Variants in LCLAT1 observed in about 807,000 individuals in gnomAD.
LCLAT1 encodes lysocardiolipin acyltransferase 1.
A neutral mutation model predicts 30.7 loss-of-function variants in LCLAT1; 11 were observed. The ratio of observed to expected loss-of-function variants is 0.36; its 90% CI spans 0.23 to 0.59. LCLAT1 has a LOEUF of 0.59. LCLAT1 is among the 20% of genes least tolerant of loss of function. The pLI is 0.77. For missense variants in LCLAT1, 402 were observed against 458.6 expected, an observed-to-expected ratio of 0.88 and a Z score of 1.13; for synonymous variants, 155 against 151.3, an observed-to-expected ratio of 1.02 and a Z score of -0.18.
chr2:30,471,815 A>G (rs1027427755), intron 1 of LCLAT1, among the ~76,000 whole-genome samples: 1 of 152,080 alleles, frequency 6.6e-6, no homozygotes, highest in Non-Finnish European at 1.5e-5. Context: ...GGATCATGTC[A>G]TGTGCAGATT....
chr2:30,590,111 T>C (rs1033948631), intron 5 of LCLAT1, among the ~76,000 whole-genome samples: 2 of 152,180 alleles, frequency 1.3e-5, no homozygotes, highest in Non-Finnish European at 2.9e-5. Context: ...CTACTCAGAC[T>C]TTATCTAGAG....
chr2:30,477,440 A>G (rs1046557478), intron 1 of LCLAT1, among the ~76,000 whole-genome samples: 2 of 152,144 alleles, frequency 1.3e-5, no homozygotes, highest in Non-Finnish European at 2.9e-5. Context: ...TTATATTGTG[A>G]TATATAAGGT....
chr2:30,534,278 G>A (rs1485003490), intron 3 of LCLAT1, among the ~76,000 whole-genome samples: 1 of 124,858 alleles, frequency 8.0e-6, no homozygotes, highest in Non-Finnish European at 1.7e-5. Flanking sequence ...TGTGTGTTTG[G>A]GAGACGGAGT....
intron 5 of LCLAT1, among the ~76,000 whole-genome samples, chr2:30,585,525 A>G (rs922352507): frequency 2.0e-5 from 3 of 152,060 alleles, no homozygotes; most frequent in African/African-American, 7.2e-5. Flanking sequence ...ACACTACTTC[A>G]TAGTTTGGAT....
chr2:30,530,414 C>T lies in LCLAT1; in HGVS notation c.166-2702C>T, dbSNP rs138543211. 2.9e-4 allele frequency among the ~76,000 whole-genome samples: 44 copies of T among 152,266 alleles called. No homozygotes were observed. In the East Asian group the frequency reaches 8.3e-3, roughly 29 times the overall value. The stretch of plus-strand genomic sequence containing the variant: ...GGATATGTCTCATCTGGTATTACAA[C>T]CAATTAATGTGGACTTGAGATCTTG... On this transcript the variant is annotated intron_variant, in intron 2 of 5. Coordinates refer to ENST00000379509, the MANE Select transcript of LCLAT1 (RefSeq NM_001002257.3).
intron 5 of LCLAT1, among the ~76,000 whole-genome samples, chr2:30,595,443 G>A (rs1284081803): frequency 6.6e-6 from 1 of 152,038 alleles, no homozygotes; most frequent in Non-Finnish European, 1.5e-5. Context: ...TTCCTATTCT[G>A]CTCAACTTGG....
intron 1 of LCLAT1, among the ~76,000 whole-genome samples, chr2:30,474,260 A>G (rs2148296947): frequency 6.6e-6 from 1 of 152,304 alleles, no homozygotes; most frequent in East Asian, 1.9e-4. Context: ...ACAGGATAGA[A>G]TTTACATGTC....
At chr2:30,638,668 C>T (rs1669150799) in intron 5 of LCLAT1, among the ~76,000 whole-genome samples, 1 of 152,162 alleles carries the variant, frequency 6.6e-6, no homozygotes, top group South Asian at 2.1e-4. Context: ...TCCCCAAGGT[C>T]CCTTACAGGT....
intron 5 of LCLAT1, among the ~76,000 whole-genome samples, chr2:30,612,739 C>T (rs1667800299): frequency 6.6e-6 from 1 of 152,168 alleles, no homozygotes; most frequent in South Asian, 2.1e-4. Context: ...GACAGTCTCT[C>T]ATAATGCACC....
At chr2:30,469,234 T>G (rs1207837690) in intron 1 of LCLAT1, among the ~76,000 whole-genome samples, 1 of 152,070 alleles carries the variant, frequency 6.6e-6, no homozygotes, top group East Asian at 1.9e-4. Context: ...GCAAAAGTGT[T>G]TCATCTGGAT....
At chr2:30,588,776 T>C (rs1666555145) in intron 5 of LCLAT1, among the ~76,000 whole-genome samples, 1 of 152,036 alleles carries the variant, frequency 6.6e-6, no homozygotes, top group African/African-American at 2.4e-5. Context: ...AATTTTGTAT[T>C]TTTAGTCGAG....
intron 1 of LCLAT1, among the ~76,000 whole-genome samples, chr2:30,524,612 G>T (rs12989107): frequency 0.04 from 6,130 of 152,236 alleles, 161 homozygotes; most frequent in South Asian, 0.08. Flanking sequence ...CATCCAGGAC[G>T]TGAATTATCC....
chr2:30,590,503 G>C (rs1283136378), intron 5 of LCLAT1, among the ~76,000 whole-genome samples: 1 of 147,916 alleles, frequency 6.8e-6, no homozygotes, highest in African/African-American at 2.5e-5. Context: ...ATTCTTATGT[G>C]AAGGTGGACA....
At chr2:30,562,738 A>G (rs1472633390) in intron 4 of LCLAT1, among the ~76,000 whole-genome samples, 1 of 152,150 alleles carries the variant, frequency 6.6e-6, no homozygotes, top group Non-Finnish European at 1.5e-5. Flanking sequence ...TAATTTTAAA[A>G]TCATGTTTTA....
At chr2:30,479,603 A>G (rs755579550) in intron 1 of LCLAT1, among the ~76,000 whole-genome samples, 4 of 152,212 alleles carry the variant, frequency 2.6e-5, no homozygotes, top group Non-Finnish European at 4.4e-5. Context: ...ACTGATGGTC[A>G]TAGAATTCAG....
Position 30,545,499 on chromosome 2 carries a change from C to A in LCLAT1, c.364+12185C>A, listed in dbSNP as rs180988613. 2.9e-3 allele frequency among the ~76,000 whole-genome samples: 439 copies of A among 152,010 alleles called. 2 individuals carry two copies. Among genetic ancestry groups the A allele is most frequent in the African/African-American group, 0.01 (425 of 41,476 alleles). ...AGAGTTTAGAATAGAAAGTTCTTTT[C>A]TTAAAGTATAAAAGCAATAGACCTA... On this transcript the variant is annotated intron_variant, in intron 3 of 5. Coordinates refer to ENST00000379509, the MANE Select transcript of LCLAT1 (RefSeq NM_001002257.3).
intron 1 of LCLAT1, among the ~76,000 whole-genome samples, chr2:30,461,301 C>T (rs543360695): frequency 9.2e-5 from 14 of 152,292 alleles, no homozygotes; most frequent in Middle Eastern, 3.4e-3. Context: ...AGTGTGCTTA[C>T]CCTTTGACAG....
chr2:30,546,917 G>C (rs536601198), intron 3 of LCLAT1, among the ~76,000 whole-genome samples: 6 of 152,012 alleles, frequency 3.9e-5, no homozygotes, highest in Admixed American at 3.9e-4. Context: ...AAGATGAATG[G>C]ATTCATCTTA....
At chr2:30,558,597 C>CAAA (rs36075365) in intron 3 of LCLAT1, among the ~76,000 whole-genome samples, 8 of 83,236 alleles carry the variant, frequency 9.6e-5, no homozygotes, top group African/African-American at 2.7e-4. Flanking sequence ...GACTTTGTCT[C>CAAA]AAAAAAAAAA....
Sources: gnomAD v4.1 joint callset for allele counts (sites outside exome capture counted in the v4.1 genomes callset) on GRCh38, gnomAD v4.1.1 for gene constraint, MANE v1.5 for transcripts, NCBI Gene and HGNC (gene_info 2026-07-23, HGNC 2026-07-21) for gene names.